The following NEGR1 variants were observed in gnomAD, a reference collection of about 807,000 sequenced individuals.
NEGR1 encodes neuronal growth regulator 1.
NEGR1 carries 10 observed loss-of-function variants against 40.9 expected under a neutral mutation model. The observed-to-expected ratio is 0.24, with a 90% CI of 0.15 to 0.42. The LOEUF (loss-of-function observed/expected upper bound fraction) is 0.42. NEGR1 is among the 10% of genes least tolerant of loss of function. The probability of loss-of-function intolerance (pLI) is 1.00; values close to 1 mark genes in which losing one functional copy is unlikely to be tolerated. For missense variants in NEGR1, 352 were observed against 438.9 expected (o/e 0.80, Z 1.77); for synonymous variants, 185 against 166.8 (o/e 1.11, Z -0.84).
intron 1 of NEGR1, among the ~76,000 whole-genome samples, chr1:72,157,185 G>A (rs72941207): frequency 0.048 from 7,309 of 152,004 alleles, 602 homozygotes; most frequent in African/African-American, 0.17. Context: ...TGCTCAGGCC[G>A]GCCTCAAACC....
chr1:72,018,878 G>A (rs1414186953), intron 1 of NEGR1, among the ~76,000 whole-genome samples: 1 of 152,080 alleles, frequency 6.6e-6, no homozygotes, highest in African/African-American at 2.4e-5. Flanking sequence ...TTGGCATAGG[G>A]CAACATGATC....
chr1:71,497,149 T>C lies in NEGR1; in HGVS notation c.941-89579A>G, dbSNP rs367675867. Among the ~76,000 whole-genome samples the C allele has an allele frequency of 1.5e-3, 224 of 152,302 alleles. 1 individual carries two copies. Among genetic ancestry groups the C allele is most frequent in the African/African-American group, 5.0e-3 (209 of 41,588 alleles). ...CAAAATGCATTTCTAGTTGAAGTGA[T>C]ACCAGCTAGTATTTTACATACTGGT... On this transcript the variant is annotated intron_variant, in intron 6 of 6. Coordinates refer to ENST00000357731, the MANE Select transcript of NEGR1 (RefSeq NM_173808.3).
At chr1:71,650,999 A>G (rs1246545388) in intron 4 of NEGR1, among the ~76,000 whole-genome samples, 2 of 152,154 alleles carry the variant, frequency 1.3e-5, no homozygotes, top group African/African-American at 4.8e-5. Flanking sequence ...AAGCAAAACA[A>G]ACAGAAACCC....
At chr1:71,692,211 A>C (rs879615958) in intron 4 of NEGR1, among the ~76,000 whole-genome samples, 1 of 151,796 alleles carries the variant, frequency 6.6e-6, no homozygotes, top group African/African-American at 2.4e-5. Flanking sequence ...TGGAGATGTT[A>C]TAGGAACTAA....
At chr1:71,899,483 A>T (rs1661088728) in intron 2 of NEGR1, among the ~76,000 whole-genome samples, 1 of 152,140 alleles carries the variant, frequency 6.6e-6, no homozygotes, top group Non-Finnish European at 1.5e-5. Flanking sequence ...AATGGAAAGG[A>T]AGAATCACTG....
At chr1:71,884,455 C>T (rs1360806074) in intron 2 of NEGR1, among the ~76,000 whole-genome samples, 1 of 152,106 alleles carries the variant, frequency 6.6e-6, no homozygotes, top group East Asian at 1.9e-4. Context: ...TACAAAGCTT[C>T]TCAACTGCTA....
intron 6 of NEGR1, among the ~76,000 whole-genome samples, chr1:71,456,741 A>G (rs1646675745): frequency 2.0e-5 from 3 of 152,264 alleles, no homozygotes; most frequent in Non-Finnish European, 4.4e-5. Flanking sequence ...CAGTACAATT[A>G]GCACCAATGG....
At chr1:71,990,964 ACT>A (rs1452735834) in intron 1 of NEGR1, among the ~76,000 whole-genome samples, 3 of 151,298 alleles carry the variant, frequency 2.0e-5, no homozygotes, top group Non-Finnish European at 2.9e-5. Flanking sequence ...CCACAAATTC[ACT>A]GTGTCCAATT....
At chr1:71,937,531 G>A (rs1431906549) in intron 1 of NEGR1, among the ~76,000 whole-genome samples, 1 of 152,144 alleles carries the variant, frequency 6.6e-6, no homozygotes, top group Non-Finnish European at 1.5e-5. Flanking sequence ...CAAAGCTCTT[G>A]ATCACTAGAA....
chr1:72,243,023 A>C (rs1474608752), intron 1 of NEGR1, among the ~76,000 whole-genome samples: 2 of 151,760 alleles, frequency 1.3e-5, no homozygotes, highest in Non-Finnish European at 3.0e-5. Context: ...AGAATAATAA[A>C]AAGTAAATAA....
At chr1:72,150,538 G>GA (rs1651087311) in intron 1 of NEGR1, among the ~76,000 whole-genome samples, 1 of 152,118 alleles carries the variant, frequency 6.6e-6, no homozygotes. Flanking sequence ...GATGATACAT[G>GA]AAAATACAGT....
At chr1:72,168,063 T>C (rs927727797) in intron 1 of NEGR1, among the ~76,000 whole-genome samples, 1 of 151,366 alleles carries the variant, frequency 6.6e-6, no homozygotes. Context: ...TGGAGTGCAG[T>C]GGCGTGATCT....
At chr1:72,189,362 T>C (rs570519882) in intron 1 of NEGR1, among the ~76,000 whole-genome samples, 15 of 151,654 alleles carry the variant, frequency 9.9e-5, no homozygotes, top group African/African-American at 3.6e-4. Flanking sequence ...ATATTAATCT[T>C]ATACTCTTTC....
In NEGR1 at chr1:71,924,888, C is replaced by CA. The variant is rs540300087; in HGVS notation, c.409+10190_409+10191insT. 2.9e-4 allele frequency among the ~76,000 whole-genome samples: 42 copies of CA among 146,710 alleles called. No homozygotes were observed. The East Asian group carries it at 7.7e-3, about 27-fold the overall frequency. ...CTAAGTCATGAATGTCTAACTAATC[C>CA]TTTTTTTTTTTCTTATTATGTCAGC... On this transcript the variant is annotated intron_variant, in intron 2 of 6. Coordinates refer to ENST00000357731, the MANE Select transcript of NEGR1 (RefSeq NM_173808.3).
intron 1 of NEGR1, among the ~76,000 whole-genome samples, chr1:72,059,565 T>C (rs1164623122): frequency 6.6e-6 from 1 of 151,640 alleles, no homozygotes; most frequent in Non-Finnish European, 1.5e-5. Flanking sequence ...AGCTATCCAA[T>C]ATACAATTAT....
chr1:71,905,603 G>T (rs576974923), intron 2 of NEGR1, among the ~76,000 whole-genome samples: 1 of 152,072 alleles, frequency 6.6e-6, no homozygotes, highest in African/African-American at 2.4e-5. Flanking sequence ...TAGTCCTTCA[G>T]AATTCTTATG....
chr1:71,790,295 T>A (rs1415764912), intron 2 of NEGR1, among the ~76,000 whole-genome samples: 1 of 152,136 alleles, frequency 6.6e-6, no homozygotes, highest in Non-Finnish European at 1.5e-5. Context: ...AATAATAATC[T>A]GTATTTGGCT....
At chr1:72,260,423 T>C (rs1655418172) in intron 1 of NEGR1, among the ~76,000 whole-genome samples, 2 of 152,134 alleles carry the variant, frequency 1.3e-5, no homozygotes, top group South Asian at 2.1e-4. Flanking sequence ...TCGTGCTTAC[T>C]AAGCGCTTAC....
intron 1 of NEGR1, among the ~76,000 whole-genome samples, chr1:72,033,559 A>G (rs2100443243): frequency 6.6e-6 from 1 of 152,332 alleles, no homozygotes; most frequent in South Asian, 2.1e-4. Flanking sequence ...AAGTAAATTC[A>G]TGCACATTTT....
Sources: gnomAD v4.1 joint callset for allele counts (sites outside exome capture counted in the v4.1 genomes callset) on GRCh38, gnomAD v4.1.1 for gene constraint, MANE v1.5 for transcripts, NCBI Gene and HGNC (gene_info 2026-07-23, HGNC 2026-07-21) for gene names.